The following TSHR variants were observed in gnomAD, a reference collection of about 807,000 sequenced individuals.
The protein encoded by TSHR is thyrotropin receptor.
TSHR carries 51 observed loss-of-function variants against 64.1 expected under a neutral mutation model. The ratio of observed to expected loss-of-function variants is 0.80; its 90% CI spans 0.64 to 1.01. TSHR has a LOEUF of 1.01. Ranked by LOEUF, TSHR falls within the 50% of genes least tolerant of loss-of-function variation. TSHR has a pLI of 0.00. For synonymous variants in TSHR, 361 were observed against 361.9 expected (o/e 1.00, Z 0.03); for missense variants, 877 against 942.8 (o/e 0.93, Z 0.91).
intron 6 of TSHR, chr14:81,094,466 T>C (rs1044682241): frequency 1.3e-5 from 2 of 152,274 alleles, no homozygotes; most frequent in Non-Finnish European, 2.9e-5. Flanking sequence ...CAGAGTTTTC[T>C]CAGCCATTGT....
At chr14:81,032,954 C>A (rs946060410) in intron 1 of TSHR, 1 of 357,146 alleles carries the variant, frequency 2.8e-6, no homozygotes, top group Non-Finnish European at 5.5e-6. Context: ...CAAAAGAGAT[C>A]CCTAGAGCCA....
At chr14:80,978,237 G>A (rs1887992877) in intron 1 of TSHR, among the ~76,000 whole-genome samples, 1 of 152,080 alleles carries the variant, frequency 6.6e-6, no homozygotes, top group African/African-American at 2.4e-5. Context: ...TAATTGGGCT[G>A]CCACCCTGTG....
intron 1 of TSHR, among the ~76,000 whole-genome samples, chr14:81,020,409 C>T (rs915896970): frequency 1.3e-5 from 2 of 152,204 alleles, no homozygotes; most frequent in Non-Finnish European, 2.9e-5. Context: ...CCATCCCTCA[C>T]ATTACCACCT....
At chr14:80,957,364 T>C (rs1425127692) in intron 1 of TSHR, among the ~76,000 whole-genome samples, 1 of 152,004 alleles carries the variant, frequency 6.6e-6, no homozygotes, top group African/African-American at 2.4e-5. Context: ...GTTATTTATT[T>C]GCATGCCCAC....
chr14:81,079,176 T>C (rs887271034), intron 3 of TSHR, among the ~76,000 whole-genome samples: 1 of 152,190 alleles, frequency 6.6e-6, no homozygotes, highest in African/African-American at 2.4e-5. Context: ...GACCGAAAAG[T>C]ATGCATGTAA....
At chr14:80,978,286 G>T (rs1887995710) in intron 1 of TSHR, among the ~76,000 whole-genome samples, 1 of 152,124 alleles carries the variant, frequency 6.6e-6, no homozygotes, top group Non-Finnish European at 1.5e-5. Flanking sequence ...CCCAGAATGG[G>T]ATCCTCATCA....
At chr14:81,087,216 T>A (rs1245916122) in intron 3 of TSHR, among the ~76,000 whole-genome samples, 1 of 152,232 alleles carries the variant, frequency 6.6e-6, no homozygotes, top group East Asian at 1.9e-4. Flanking sequence ...CTTATATACT[T>A]TTCATGTAAG....
chr14:81,128,525 G>T (rs1891108046), intron 8 of TSHR, among the ~76,000 whole-genome samples: 1 of 152,228 alleles, frequency 6.6e-6, no homozygotes, highest in South Asian at 2.1e-4. Flanking sequence ...CTCCAGTGGT[G>T]CTTTACCATC....
chr14:81,093,900 A>C (rs12147434), intron 6 of TSHR, among the ~76,000 whole-genome samples: 3,542 of 152,282 alleles, frequency 0.023, 56 homozygotes, highest in Non-Finnish European at 0.033. Context: ...AAACTCCTAC[A>C]TGCTAAACTT....
intron 9 of TSHR, among the ~76,000 whole-genome samples, chr14:81,140,247 T>G (rs915343175): frequency 3.9e-5 from 6 of 152,176 alleles, no homozygotes; most frequent in African/African-American, 1.4e-4. Context: ...AACAGACTTA[T>G]AAACAACACA....
intron 7 of TSHR, among the ~76,000 whole-genome samples, chr14:81,106,122 T>C (rs1428942889): frequency 1.3e-5 from 2 of 152,318 alleles, no homozygotes; most frequent in East Asian, 3.9e-4. Flanking sequence ...GCCAGGTCTC[T>C]GAATGCATTT....
intron 2 of TSHR, among the ~76,000 whole-genome samples, chr14:81,065,292 A>T (rs1474377324): frequency 6.6e-6 from 1 of 152,170 alleles, no homozygotes; most frequent in Non-Finnish European, 1.5e-5. Flanking sequence ...TAGCTGTCTC[A>T]GTTGTAGGAA....
Position 81,082,227 on chromosome 14 carries a change from A to G in TSHR, c.318-5727A>G, listed in dbSNP as rs143228145. ...AAGTATTCTGTTTTATCTAAGAAGT[A>G]CAAAGAAAGTCATAAGAAGCCTGAG... On this transcript the variant is annotated intron_variant, in intron 3 of 9. Coordinates refer to ENST00000298171, the MANE Select transcript of TSHR (RefSeq NM_000369.5). Among the ~76,000 whole-genome samples the G allele has an allele frequency of 3.3e-3, 496 of 152,340 alleles. 4 individuals carry two copies. Among genetic ancestry groups the G allele is most frequent in the African/African-American group, 0.011 (473 of 41,580 alleles).
intron 1 of TSHR, among the ~76,000 whole-genome samples, chr14:80,973,378 C>A (rs1887682022): frequency 9.4e-6 from 1 of 106,420 alleles, no homozygotes; most frequent in Admixed American, 1.2e-4. Context: ...TGCACTCACG[C>A]CCGGGTGACA....
intron 1 of TSHR, among the ~76,000 whole-genome samples, chr14:80,979,989 C>T (rs538314810): frequency 2.2e-4 from 33 of 152,322 alleles, no homozygotes; most frequent in South Asian, 1.2e-3. Flanking sequence ...ATTTCAGACT[C>T]TTCACATGGT....
At chr14:81,088,955 C>T (rs929756159) in intron 4 of TSHR, among the ~76,000 whole-genome samples, 14 of 149,888 alleles carry the variant, frequency 9.3e-5, no homozygotes, top group African/African-American at 3.2e-4. Context: ...TAGGGAACCA[C>T]GCAGCTTCTT....
Position 81,144,290 on chromosome 14 carries a change from C to G in TSHR, c.2232C>G (p.Asn744Lys), listed in dbSNP as rs61743974. 3.1e-3 allele frequency: 4,954 copies of G among 1,614,140 alleles called. 164 individuals are homozygous for G. In the African/African-American group the frequency reaches 0.059, roughly 19 times the overall value. ...AAGATGTCTATGAACTGATTGAAAA[C>G]TCCCATCTAACCCCAAAGAAGCAAG... ...NMEDVYELIENSHLTPKKQGQ... is the reference protein window; with the variant it reads ...NMEDVYELIEKSHLTPKKQGQ... Residue 744 changes from asparagine to lysine, a missense_variant, in exon 10 of 10, where the codon AAC (asparagine) becomes AAG (lysine). Asn to Lys is a moderately conservative substitution (Grantham distance 94). Transcript: ENST00000298171.
At chr14:81,058,054 G>A (rs1885953723) in intron 1 of TSHR, among the ~76,000 whole-genome samples, 1 of 152,198 alleles carries the variant, frequency 6.6e-6, no homozygotes, top group Non-Finnish European at 1.5e-5. Context: ...ACTGTGAAAA[G>A]TTTAATTGTA....
chr14:81,001,438 CT>C, intron 1 of TSHR: 1 of 474,942 alleles, frequency 2.1e-6, no homozygotes, highest in Non-Finnish European at 4.2e-6. Context: ...ATCTTAGGTG[CT>C]TTATTTACCT....
Sources: allele counts gnomAD v4.1 joint callset (sites outside exome capture counted in the v4.1 genomes callset), GRCh38; gene constraint gnomAD v4.1.1; transcripts MANE v1.5; gene names NCBI Gene and HGNC (gene_info 2026-07-23, HGNC 2026-07-21).